HLF: variants seen among roughly 807,000 people sequenced by gnomAD.
HLF encodes hepatic leukemia factor.
In HLF, 3 loss-of-function variants were observed where a neutral mutation model predicts 22.6. The observed-to-expected ratio is 0.13, with a 90% CI of 0.06 to 0.34. HLF has a LOEUF of 0.34. Among genes scored for constraint, HLF ranks in the 10% least tolerant of loss-of-function variants. HLF has a pLI of 1.00. For missense variants in HLF, 299 were observed against 389.2 expected (o/e 0.77, Z 1.95); for synonymous variants, 151 against 151.8 (o/e 0.99, Z 0.04).
At chr17:55,274,910 C>G (rs971342185) in intron 2 of HLF, among the ~76,000 whole-genome samples, 9 of 152,180 alleles carry the variant, frequency 5.9e-5, no homozygotes, top group African/African-American at 2.2e-4. Flanking sequence ...TGATACTTTT[C>G]CCTTCCTAGC....
chr17:55,275,387 T>C (rs2080896115), intron 2 of HLF, among the ~76,000 whole-genome samples: 1 of 152,238 alleles, frequency 6.6e-6, no homozygotes, highest in East Asian at 1.9e-4. Flanking sequence ...GAAACCACTG[T>C]GCCCTGCCCA....
chr17:55,308,777 A>G (rs936995615), intron 2 of HLF, among the ~76,000 whole-genome samples: 7 of 152,216 alleles, frequency 4.6e-5, no homozygotes, highest in African/African-American at 1.7e-4. Context: ...TTACCAGACA[A>G]TCACAGAAAC....
chr17:55,270,868 G>A (rs868017564), intron 2 of HLF, among the ~76,000 whole-genome samples: 8 of 151,800 alleles, frequency 5.3e-5, no homozygotes, highest in Admixed American at 1.3e-4. Context: ...GGTCTCGATC[G>A]CCTGACCTCG....
At chr17:55,319,256 G>T (rs1905181021) in intron 3 of HLF, among the ~76,000 whole-genome samples, 1 of 152,142 alleles carries the variant, frequency 6.6e-6, no homozygotes. Flanking sequence ...TTTGGGGGTG[G>T]ACCGCTGACC....
chr17:55,292,562 T>C (rs2081073732), intron 2 of HLF, among the ~76,000 whole-genome samples: 1 of 151,890 alleles, frequency 6.6e-6, no homozygotes, highest in African/African-American at 2.4e-5. Flanking sequence ...AAAAAAAAAA[T>C]GATGTGACTT....
chr17:55,315,182 G>T (rs1174148799), intron 2 of HLF, 45 bp from the exon 3 acceptor site: 1 of 1,467,410 alleles, frequency 6.8e-7, no homozygotes, highest in East Asian at 2.3e-5. Flanking sequence ...TGCCTACTGG[G>T]TCTCTCTAGG....
At chr17:55,318,734 C>T (rs1231036545) in intron 3 of HLF, among the ~76,000 whole-genome samples, 2 of 152,282 alleles carry the variant, frequency 1.3e-5, no homozygotes, top group East Asian at 3.9e-4. Flanking sequence ...CACTCCCAGG[C>T]ACATTGTTGG....
At chr17:55,317,606 C>T (rs1488095265) in intron 3 of HLF, among the ~76,000 whole-genome samples, 1 of 152,228 alleles carries the variant, frequency 6.6e-6, no homozygotes, top group South Asian at 2.1e-4. Context: ...TAGTTGTGGA[C>T]GAAGTCTCAA....
chr17:55,315,292 G>T lies in HLF; in HGVS notation c.517G>T (p.Val173Leu). The T allele has an allele frequency of 6.2e-7, 1 of 1,614,198 alleles. No individual in the cohort carries two copies. The highest frequency in any genetic ancestry group is 8.5e-7 in the Non-Finnish European group (1 of 1,180,024). The change falls in exon 3 of 4, where the codon GTG becomes TTG. Residue 173 changes from valine (V) to leucine (L), a missense_variant. Physicochemically the swap from Val to Leu is conservative, Grantham distance 32. Transcript: ENST00000226067. ...TGATCCTGACACCATCCAGGTCCCAGTGGGTTATGAGCCAGACCCAGCAGA... is the reference window on the plus strand; with the variant it reads ...TGATCCTGACACCATCCAGGTCCCATTGGGTTATGAGCCAGACCCAGCAGA... ...PIDPDTIQVP[V>L]GYEPDPADLA...
intron 2 of HLF, chr17:55,288,868 C>G: frequency 1.0e-6 from 1 of 977,014 alleles, no homozygotes; most frequent in Non-Finnish European, 1.2e-6. Flanking sequence ...AATTTTCCAC[C>G]CTTTAATCAC....
In HLF at chr17:55,320,927, C is replaced by T. The variant is rs755994491; in HGVS notation, c.*48C>T. ...TTTGGAATAGATGGACAGTTTGTTTCCTGTCTGATAGCACCACACGCAAAC... is the reference window on the plus strand; with the variant it reads ...TTTGGAATAGATGGACAGTTTGTTTTCTGTCTGATAGCACCACACGCAAAC... On this transcript the variant is annotated 3_prime_UTR_variant, in exon 4 of 4. Coordinates refer to ENST00000226067, the MANE Select transcript of HLF (RefSeq NM_002126.5). This position sits in a 1 kb window ranked among gnomAD's most constrained non-coding sequence, Gnocchi z 4.2. 1 of 1,473,618 alleles carries T rather than the reference C, an allele frequency of 6.8e-7. No homozygotes were observed. Among genetic ancestry groups the T allele is most frequent in the Middle Eastern group, 2.4e-4 (1 of 4,214 alleles). The allele number at this position is 1,473,618 out of a possible 1,614,324, so 91.3% of individuals were successfully genotyped here.
intron 2 of HLF, among the ~76,000 whole-genome samples, chr17:55,269,360 G>A (rs78422111): frequency 0.026 from 3,886 of 152,218 alleles, 73 homozygotes; most frequent in East Asian, 0.035. Context: ...GGGAAAACAT[G>A]CCTTTATGTG....
intron 2 of HLF, among the ~76,000 whole-genome samples, chr17:55,309,045 C>T (rs1285662068): frequency 6.6e-6 from 1 of 152,186 alleles, no homozygotes; most frequent in Non-Finnish European, 1.5e-5. Context: ...ATCATTTCTG[C>T]CACATTCTGT....
At chr17:55,297,786 CCCAA>C (rs1214414541) in intron 2 of HLF, among the ~76,000 whole-genome samples, 1 of 133,160 alleles carries the variant, frequency 7.5e-6, no homozygotes, top group African/African-American at 2.9e-5. Context: ...CGCTCTGTCA[CCCAA>C]CCAAGCTGGA....
At chr17:55,304,012 G>C (rs1904423170) in intron 2 of HLF, among the ~76,000 whole-genome samples, 1 of 152,038 alleles carries the variant, frequency 6.6e-6, no homozygotes, top group African/African-American at 2.4e-5. Context: ...AGTCTTTGGG[G>C]CATGGTTTCA....
At chr17:55,271,145 G>C (rs1292786368) in intron 2 of HLF, among the ~76,000 whole-genome samples, 1 of 152,102 alleles carries the variant, frequency 6.6e-6, no homozygotes, top group Non-Finnish European at 1.5e-5. Flanking sequence ...AGCAAAATCT[G>C]GACTTACTTT....
At chr17:55,265,743 G>A (rs2080781661) in intron 1 of HLF, 144 bp downstream of exon 1, 2 of 1,152,218 alleles carry the variant, frequency 1.7e-6, no homozygotes, top group Non-Finnish European at 2.3e-6. Flanking sequence ...TGAAATTGAG[G>A]AGCTCACCCA....
At chr17:55,304,960 C>T (rs187298020) in intron 2 of HLF, among the ~76,000 whole-genome samples, 21 of 152,272 alleles carry the variant, frequency 1.4e-4, no homozygotes, top group African/African-American at 4.3e-4. Context: ...CAGGACAGGC[C>T]CAAGGAAAGG....
intron 1 of HLF, chr17:55,266,282 C>T (rs145721266): frequency 0.014 from 2,194 of 152,268 alleles, 20 homozygotes; most frequent in Non-Finnish European, 0.023. Context: ...CGTGTAACCG[C>T]GCAGGAGCCT....
Sources: allele counts gnomAD v4.1 joint callset (sites outside exome capture counted in the v4.1 genomes callset), GRCh38; gene constraint gnomAD v4.1.1; non-coding constraint Gnocchi (gnomAD v3.1); transcripts MANE v1.5; gene names NCBI Gene and HGNC (gene_info 2026-07-23, HGNC 2026-07-21).